Variants in TSPEAR observed in about 807,000 individuals in gnomAD.
TSPEAR encodes the protein thrombospondin-type laminin G domain and EAR repeat-containing protein.
In TSPEAR, 69 loss-of-function variants were observed where a neutral mutation model predicts 71.6. The observed-to-expected ratio is 0.96, with a 90% CI of 0.79 to 1.18. The LOEUF (loss-of-function observed/expected upper bound fraction) is 1.18. Among genes scored for constraint, TSPEAR ranks in the 50% most tolerant of loss-of-function variants. TSPEAR has a pLI of 0.00. For synonymous variants in TSPEAR, 402 were observed against 387.2 expected (o/e 1.04, Z -0.45); for missense variants, 971 against 894.9 (o/e 1.09, Z -1.09).
intron 1 of TSPEAR, among the ~76,000 whole-genome samples, chr21:44,581,293 A>AT (rs1276558313): frequency 6.6e-6 from 1 of 152,132 alleles, no homozygotes; most frequent in Non-Finnish European, 1.5e-5. Flanking sequence ...ACATATGGTG[A>AT]TTTTAGGACA....
At chr21:44,681,826 T>C in intron 1 of TSPEAR, 1 of 1,604,274 alleles carries the variant, frequency 6.2e-7, no homozygotes, top group Non-Finnish European at 8.5e-7. Flanking sequence ...GGTCTGGAGA[T>C]TCATGCTCAG....
chr21:44,702,285 C>A (rs957219406), intron 1 of TSPEAR: 7 of 1,609,206 alleles, frequency 4.3e-6, no homozygotes, highest in Non-Finnish European at 5.1e-6. Context: ...GCGAGCCCCC[C>A]TGCTGCGCCG....
intron 1 of TSPEAR, chr21:44,580,569 A>T (rs1978895033): frequency 6.2e-7 from 1 of 1,610,446 alleles, no homozygotes; most frequent in South Asian, 1.1e-5. Context: ...GACATGGTGC[A>T]CGCGGCCATG....
At chr21:44,574,862 G>A (rs1555923612) in intron 1 of TSPEAR, 4 of 1,612,370 alleles carry the variant, frequency 2.5e-6, no homozygotes, top group Non-Finnish European at 2.5e-6. Context: ...GCCGCCCCGT[G>A]TGCAGGCCCG....
intron 1 of TSPEAR, among the ~76,000 whole-genome samples, chr21:44,704,642 G>A (rs34800343): frequency 0.22 from 33,414 of 152,202 alleles, 4,321 homozygotes; most frequent in Admixed American, 0.31. Flanking sequence ...TTAACAAGAG[G>A]AGCAGAGGTC....
intron 3 of TSPEAR, among the ~76,000 whole-genome samples, chr21:44,532,847 C>T (rs2053000170): frequency 6.6e-6 from 1 of 152,176 alleles, no homozygotes; most frequent in African/African-American, 2.4e-5. Flanking sequence ...CCATTGTGTC[C>T]AAGGCTACAA....
In TSPEAR at chr21:44,498,011, G is replaced by A. The variant is rs376753099; in HGVS notation, c.*1772C>T. On this transcript the variant is annotated 3_prime_UTR_variant, in exon 12 of 12. Transcript: ENST00000323084. ...TCAAGGGGAAAAGCCGGCTGGAGGGGGCAGAGGGAGGAGGGTGTGGTCACA... is the reference window on the plus strand; with the variant it reads ...TCAAGGGGAAAAGCCGGCTGGAGGGAGCAGAGGGAGGAGGGTGTGGTCACA... 5 of 152,302 alleles carry A rather than the reference G, an allele frequency of 3.3e-5. No homozygotes were observed. The South Asian group carries it at 1.0e-3, about 32-fold the overall frequency. The allele number at this position is 152,302 out of a possible 1,614,324, so 9.4% of individuals were successfully genotyped here. A position where few individuals can be genotyped will look rare whatever the true frequency, so the allele number is the denominator to read the frequency against.
At chr21:44,570,036 T>C (rs587764825) in intron 1 of TSPEAR, among the ~76,000 whole-genome samples, 15 of 152,270 alleles carry the variant, frequency 9.9e-5, no homozygotes, top group Non-Finnish European at 1.5e-5. Flanking sequence ...GAGACACTGC[T>C]GCACAGCACT....
intron 1 of TSPEAR, chr21:44,647,657 C>T: frequency 2.3e-6 from 1 of 433,602 alleles, no homozygotes; most frequent in Non-Finnish European, 4.4e-6. Context: ...GAAATACGGG[C>T]TGGTGTGCAC....
intron 1 of TSPEAR, chr21:44,676,260 A>G: frequency 7.8e-7 from 1 of 1,280,038 alleles, no homozygotes. Flanking sequence ...GGGTCTCTTC[A>G]CTGTACACCC....
chr21:44,511,776 C>T (rs587653078), intron 9 of TSPEAR, among the ~76,000 whole-genome samples: 50 of 152,368 alleles, frequency 3.3e-4, no homozygotes, highest in African/African-American at 1.1e-3. Context: ...GCCAGAACAG[C>T]CTGAAACTCC....
At chr21:44,637,890 T>C (rs1555937432) in intron 1 of TSPEAR, 1 of 1,535,302 alleles carries the variant, frequency 6.5e-7, no homozygotes, top group African/African-American at 1.4e-5. Flanking sequence ...GTCTGCTATG[T>C]GCCTGTGTGC....
rs1987957355 is a variant in TSPEAR at position 44,706,977 on chromosome 21, G to A, written c.82+4456C>T. Among the ~76,000 whole-genome samples, 3 of 152,242 alleles carry A rather than the reference G, an allele frequency of 2.0e-5. 1 individual carries two copies. In the South Asian group the frequency reaches 6.2e-4, roughly 31 times the overall value. ...CCCCAACCCCTCCAAGGACAAAGGC[G>A]GGCTGGGAAGCACCCGCTTTCACGT... is the stretch of plus-strand genomic sequence containing the variant. On this transcript the variant is annotated intron_variant, in intron 1 of 11. Coordinates refer to ENST00000323084, the MANE Select transcript of TSPEAR (RefSeq NM_144991.3).
At chr21:44,508,713 A>T (rs952045400) in intron 10 of TSPEAR, 3 of 1,230,582 alleles carry the variant, frequency 2.4e-6, no homozygotes, top group African/African-American at 3.1e-5. Context: ...TGGATCTCAC[A>T]TCTGTCTCAA....
At chr21:44,631,048 G>A (rs1983224160) in intron 1 of TSPEAR, among the ~76,000 whole-genome samples, 1 of 150,320 alleles carries the variant, frequency 6.7e-6, no homozygotes, top group Non-Finnish European at 1.5e-5. Context: ...ATGCAAAGAA[G>A]CAAGAATGTA....
chr21:44,543,329 T>C (rs2053252118), intron 2 of TSPEAR, among the ~76,000 whole-genome samples: 1 of 152,214 alleles, frequency 6.6e-6, no homozygotes, highest in Non-Finnish European at 1.5e-5. Flanking sequence ...TACATAGAGT[T>C]AAAGTGGCTT....
At chr21:44,692,195 G>A (rs1486547567) in intron 1 of TSPEAR, among the ~76,000 whole-genome samples, 1 of 152,102 alleles carries the variant, frequency 6.6e-6, no homozygotes, top group Non-Finnish European at 1.5e-5. Flanking sequence ...AGAAATAGAA[G>A]GGAATTTCCT....
chr21:44,549,488 A>G (rs1230011663), intron 2 of TSPEAR, among the ~76,000 whole-genome samples: 1 of 152,186 alleles, frequency 6.6e-6, no homozygotes, highest in Non-Finnish European at 1.5e-5. Context: ...AAACCATGAG[A>G]AAATAGTTTT....
intron 3 of TSPEAR, 129 bp from the exon 4 acceptor site, chr21:44,531,262 G>A: frequency 1.4e-6 from 1 of 699,704 alleles, no homozygotes; most frequent in Non-Finnish European, 2.4e-6. Flanking sequence ...ACAAAGGATG[G>A]CACACAGGGC....
Sources: gnomAD v4.1 joint callset for allele counts (sites outside exome capture counted in the v4.1 genomes callset) on GRCh38, gnomAD v4.1.1 for gene constraint, MANE v1.5 for transcripts, NCBI Gene and HGNC (gene_info 2026-07-23, HGNC 2026-07-21) for gene names.